The following RPRD2 variants were observed in gnomAD, a reference collection of about 807,000 sequenced individuals.
RPRD2 encodes the protein regulation of nuclear pre-mRNA domain containing 2, also known as regulation of nuclear pre-mRNA domain-containing protein 2.
Under a neutral mutation model 104.4 loss-of-function variants are expected in RPRD2, and 12 were observed. The observed-to-expected ratio is 0.11, with a 90% confidence interval of 0.07 to 0.19. RPRD2 has a LOEUF of 0.19. Among genes scored for constraint, RPRD2 ranks in the 10% least tolerant of loss-of-function variants. The pLI is 1.00. For missense variants in RPRD2, 1,543 were observed against 1,790.1 expected (o/e 0.86, Z 2.49); for synonymous variants, 714 against 684.9 (o/e 1.04, Z -0.66).
intron 8 of RPRD2, among the ~76,000 whole-genome samples, chr1:150,459,452 T>C (rs1209865774): frequency 5.3e-5 from 8 of 152,204 alleles, no homozygotes; most frequent in Non-Finnish European, 8.8e-5. Flanking sequence ...ATGAAAAATA[T>C]CATTTCCAAA....
At chr1:150,432,333 G>T (rs1665660004) in intron 2 of RPRD2, among the ~76,000 whole-genome samples, 1 of 152,046 alleles carries the variant, frequency 6.6e-6, no homozygotes, top group Non-Finnish European at 1.5e-5. Context: ...AGAGATTAAA[G>T]GTTATCAGGA....
chr1:150,399,211 C>G (rs1662780405), intron 1 of RPRD2, among the ~76,000 whole-genome samples: 1 of 151,960 alleles, frequency 6.6e-6, no homozygotes, highest in Admixed American at 6.6e-5. Context: ...CCTATGTTGC[C>G]TAGGCTGGTC....
At chr1:150,372,629 G>A (rs932663917) in intron 1 of RPRD2, among the ~76,000 whole-genome samples, 2 of 152,110 alleles carry the variant, frequency 1.3e-5, no homozygotes, top group Admixed American at 6.6e-5. Context: ...AGCAGGGAAG[G>A]GGGAAACAGA....
rs1200121547 is a variant in RPRD2 at position 150,364,157 on chromosome 1, C to T, written c.-558C>T. 1.3e-5 allele frequency among the ~76,000 whole-genome samples: 2 copies of T among 152,284 alleles called. No homozygotes were observed. Among genetic ancestry groups the T allele is most frequent in the Non-Finnish European group, 2.9e-5 (2 of 68,028 alleles). On this transcript the variant is annotated 5_prime_UTR_variant, in exon 1 of 11. Transcript: ENST00000369068. ...TGGCGCGTGCGCGATACTGTTGCTG[C>T]CCCTTTGCTGCTATTGCGTTGCAAA...
chr1:150,461,777 G>A (rs1024450335), intron 9 of RPRD2, among the ~76,000 whole-genome samples: 7 of 151,288 alleles, frequency 4.6e-5, no homozygotes, highest in African/African-American at 7.3e-5. Context: ...TCAAGAGATC[G>A]AGACCATCCT....
intron 8 of RPRD2, 63 bp downstream of exon 8, chr1:150,457,633 A>G (rs971762706): frequency 9.1e-6 from 12 of 1,314,586 alleles, no homozygotes; most frequent in Non-Finnish European, 4.3e-6. Flanking sequence ...TCAGCAATGA[A>G]TACATCACAG....
chr1:150,471,621 A>C lies in RPRD2; in HGVS notation c.2673A>C (p.Pro891=), dbSNP rs1458573456. The C allele has an allele frequency of 2.5e-6, 4 of 1,613,372 alleles. No individual in the cohort carries two copies. The highest frequency in any genetic ancestry group is 3.4e-6 in the Non-Finnish European group (4 of 1,179,792). ...QEFGVKSAFP[P]SVRALLDSSE... is the part of the protein sequence containing the mutation. ...TTGGGGTAAAGTCTGCCTTCCCTCC[A>C]TCTGTAAGGGCCCTCCTGGACTCTA... The change falls in exon 11 of 11, where the codon CCA becomes CCC. Residue 891 remains proline (P), a synonymous_variant. Coordinates refer to ENST00000369068, the MANE Select transcript of RPRD2 (RefSeq NM_015203.5). The surrounding 1 kb of genome is among the most constrained non-coding windows in gnomAD (Gnocchi z 5.3).
chr1:150,368,206 T>G (rs1659987549), intron 1 of RPRD2, among the ~76,000 whole-genome samples: 2 of 21,152 alleles, frequency 9.5e-5, no homozygotes, highest in Non-Finnish European at 2.1e-4. Flanking sequence ...TTATTTCTTG[T>G]TTTTTTTTTT....
At chr1:150,464,439 TA>T in intron 9 of RPRD2, 87 bp from the exon 10 acceptor site, 1 of 958,492 alleles carries the variant, frequency 1.0e-6, no homozygotes, top group Non-Finnish European at 1.6e-6. Flanking sequence ...TCCTGTTAAA[TA>T]TATCAAACTC....
chr1:150,377,032 G>A (rs142586608), intron 1 of RPRD2, among the ~76,000 whole-genome samples: 2,916 of 149,582 alleles, frequency 0.019, 39 homozygotes, highest in Non-Finnish European at 0.03. Flanking sequence ...CCAACATGGT[G>A]AAACCTTGTC....
chr1:150,400,836 A>G (rs1395030702), intron 1 of RPRD2, among the ~76,000 whole-genome samples: 2 of 151,904 alleles, frequency 1.3e-5, no homozygotes, highest in Non-Finnish European at 2.9e-5. Flanking sequence ...ACTTTTTATC[A>G]TAAATGAATG....
At chr1:150,445,741 T>G (rs11580764) in intron 6 of RPRD2, among the ~76,000 whole-genome samples, 12,458 of 152,138 alleles carry the variant, frequency 0.082, 673 homozygotes, top group Non-Finnish European at 0.12. Flanking sequence ...ATAATCTGTT[T>G]TGTGATTTTG....
At chr1:150,400,243 T>C (rs1446124312) in intron 1 of RPRD2, among the ~76,000 whole-genome samples, 9 of 152,234 alleles carry the variant, frequency 5.9e-5, no homozygotes, top group African/African-American at 2.2e-4. Context: ...AACTTACTTA[T>C]TAGTTCAAGT....
At chr1:150,400,683 G>A (rs1662914741) in intron 1 of RPRD2, among the ~76,000 whole-genome samples, 1 of 152,136 alleles carries the variant, frequency 6.6e-6, no homozygotes, top group African/African-American at 2.4e-5. Context: ...TGTAGAGGAA[G>A]GGTGAGGGTG....
intron 1 of RPRD2, among the ~76,000 whole-genome samples, chr1:150,386,647 C>T (rs1170572854): frequency 2.6e-5 from 4 of 152,020 alleles, no homozygotes; most frequent in Non-Finnish European, 5.9e-5. Context: ...TTGTGTGGGT[C>T]TCATGGTGTT....
Position 150,473,432 on chromosome 1 carries a change from T to C in RPRD2, c.*98T>C. The C allele has an allele frequency of 1.2e-6, 1 of 825,002 alleles. No individual in the cohort carries two copies. The allele number at this position is 825,002 out of a possible 1,614,324, so 51.1% of individuals were successfully genotyped here. A position where few individuals can be genotyped will look rare whatever the true frequency, so the allele number is the denominator to read the frequency against. ...TTTTTATTTGTTTTCTCTTTCTCGA[T>C]TTTTTTTTTATTATAACAAAGGGCC... On this transcript the variant is annotated 3_prime_UTR_variant, in exon 11 of 11. Transcript: ENST00000369068.
intron 7 of RPRD2, 143 bp from the exon 8 acceptor site, chr1:150,457,145 A>C (rs1392191296): frequency 1.4e-6 from 1 of 699,512 alleles, no homozygotes; most frequent in Non-Finnish European, 2.4e-6. Context: ...GATCACTTCA[A>C]CCCAGGAGGC....
intron 1 of RPRD2, among the ~76,000 whole-genome samples, chr1:150,412,083 A>C (rs1663977584): frequency 6.6e-6 from 1 of 152,236 alleles, no homozygotes; most frequent in Middle Eastern, 3.4e-3. Flanking sequence ...AAATCACACC[A>C]CCGCACTCTG....
At chr1:150,460,490 G>A (rs1427529487) in intron 9 of RPRD2, among the ~76,000 whole-genome samples, 173 bp downstream of exon 9, 1 of 151,936 alleles carries the variant, frequency 6.6e-6, no homozygotes, top group African/African-American at 2.4e-5. Flanking sequence ...TGCAACCTCT[G>A]CCTCCCGGGT....
Sources: allele counts gnomAD v4.1 joint callset (sites outside exome capture counted in the v4.1 genomes callset), GRCh38; gene constraint gnomAD v4.1.1; non-coding constraint Gnocchi (gnomAD v3.1); transcripts MANE v1.5; gene names NCBI Gene and HGNC (gene_info 2026-07-23, HGNC 2026-07-21).